ANGPT2: variants seen among roughly 807,000 people sequenced by gnomAD.
The protein encoded by ANGPT2 is angiopoietin 2.
Under a neutral mutation model 62.9 loss-of-function variants are expected in ANGPT2, and 28 were observed. The observed-to-expected ratio is 0.44, with a 90% CI of 0.33 to 0.61. ANGPT2 has a LOEUF of 0.61. ANGPT2 is among the 20% of genes least tolerant of loss of function. The pLI, the probability that ANGPT2 is intolerant of heterozygous loss-of-function variation, is 0.03. For synonymous variants in ANGPT2, 284 were observed against 207.8 expected (o/e 1.37, Z -3.15); for missense variants, 727 against 594.9 (o/e 1.22, Z -2.31).
In ANGPT2 at chr8:6,503,379, C is replaced by T. The variant is rs1053969379; in HGVS notation, c.1328-118G>A. The T allele has an allele frequency of 3.5e-4, 345 of 993,544 alleles. 2 individuals are homozygous for T. Among genetic ancestry groups the T allele is most frequent in the Non-Finnish European group, 5.5e-5 (36 of 653,080 alleles). 61.5% of individuals were successfully genotyped at this position (993,544 alleles called of 1,614,324 possible). A position where few individuals can be genotyped will look rare whatever the true frequency, so the allele number is the denominator to read the frequency against. ...TGCAGGCGTGTGGAGTAGGCACATG[C>T]AGATGATGGTGAGTATAGGATGTGC... On this transcript the variant is annotated intron_variant, in intron 8 of 8. Transcript: ENST00000629816.
At chr8:6,518,177 T>C (rs1250410772) in intron 5 of ANGPT2, among the ~76,000 whole-genome samples, 1 of 152,178 alleles carries the variant, frequency 6.6e-6, no homozygotes, top group African/African-American at 2.4e-5. Context: ...GGTTAGCGGC[T>C]GTCCCTCTGC....
At chr8:6,539,531 C>T (rs558269705) in intron 1 of ANGPT2, among the ~76,000 whole-genome samples, 8 of 152,270 alleles carry the variant, frequency 5.3e-5, no homozygotes, top group Admixed American at 2.6e-4. Context: ...CTTTTAAGCA[C>T]TTCCTGAAAT....
At chr8:6,505,379 TTCTTTC>T in intron 8 of ANGPT2, among the ~76,000 whole-genome samples, 2 of 59,866 alleles carry the variant, frequency 3.3e-5, no homozygotes, top group African/African-American at 1.1e-4. Flanking sequence ...AATATATATA[TTCTTTC>T]TATATGTATA....
intron 5 of ANGPT2, among the ~76,000 whole-genome samples, chr8:6,515,680 G>C (rs773750126): frequency 1.3e-5 from 2 of 152,168 alleles, no homozygotes; most frequent in Non-Finnish European, 2.9e-5. Context: ...AACGAAACAT[G>C]TTTTCCAGAA....
chr8:6,553,664 A>T (rs1272657928), intron 1 of ANGPT2, among the ~76,000 whole-genome samples: 3 of 145,474 alleles, frequency 2.1e-5, no homozygotes, highest in African/African-American at 8.5e-5. Context: ...ATGGTCTCAA[A>T]ATTTTTTTTT....
intron 1 of ANGPT2, among the ~76,000 whole-genome samples, chr8:6,559,671 A>T (rs190724032): frequency 1.1e-3 from 164 of 152,214 alleles, no homozygotes; most frequent in Non-Finnish European, 2.0e-3. Flanking sequence ...ATTTCCTCTT[A>T]TCAGAAAAAA....
intron 1 of ANGPT2, among the ~76,000 whole-genome samples, chr8:6,558,037 C>T (rs1209967423): frequency 6.6e-6 from 1 of 152,196 alleles, no homozygotes; most frequent in African/African-American, 2.4e-5. Flanking sequence ...TGCCCCCACA[C>T]GCACCTTTAG....
chr8:6,537,357 T>C (rs1383241993), intron 1 of ANGPT2, among the ~76,000 whole-genome samples: 2 of 152,024 alleles, frequency 1.3e-5, no homozygotes, highest in Non-Finnish European at 2.9e-5. Flanking sequence ...CCTTGGGCTG[T>C]TCTTCCTTTC....
At chr8:6,523,048 A>C (rs1041090351) in intron 3 of ANGPT2, among the ~76,000 whole-genome samples, 5 of 151,262 alleles carry the variant, frequency 3.3e-5, no homozygotes, top group Non-Finnish European at 7.4e-5. Flanking sequence ...CCCAGACTGG[A>C]GTGCAAGGGT....
intron 2 of ANGPT2, 35 bp downstream of exon 2, chr8:6,532,297 C>A (rs376215741): frequency 1.2e-6 from 2 of 1,613,322 alleles, no homozygotes; most frequent in Non-Finnish European, 1.7e-6. Context: ...TCTCTAGCTG[C>A]AGGGACACCG....
chr8:6,556,408 T>C (rs1322887774), intron 1 of ANGPT2, among the ~76,000 whole-genome samples: 1 of 152,182 alleles, frequency 6.6e-6, no homozygotes, highest in Non-Finnish European at 1.5e-5. Flanking sequence ...ATTTTCCTTT[T>C]ATAAAAGGGT....
chr8:6,537,429 A>G (rs767222839), intron 1 of ANGPT2, among the ~76,000 whole-genome samples: 4 of 152,024 alleles, frequency 2.6e-5, no homozygotes, highest in African/African-American at 7.3e-5. Context: ...TTCTAGCTGC[A>G]TGGTTTGCTG....
At chr8:6,523,359 C>A (rs901292373) in intron 3 of ANGPT2, among the ~76,000 whole-genome samples, 3 of 152,096 alleles carry the variant, frequency 2.0e-5, no homozygotes, top group African/African-American at 7.2e-5. Flanking sequence ...TCCTAAGATA[C>A]TTTATTAATG....
At chr8:6,530,226 G>A (rs1431073126) in intron 2 of ANGPT2, among the ~76,000 whole-genome samples, 1 of 152,042 alleles carries the variant, frequency 6.6e-6, no homozygotes, top group Non-Finnish European at 1.5e-5. Context: ...AAGTAATGGT[G>A]GCCAGGTACG....
In ANGPT2 at chr8:6,532,356, C is replaced by T. The variant is rs1819679870; in HGVS notation, c.420G>A (p.Arg140=). 6.2e-7 allele frequency: 1 copy of T among 1,614,134 alleles called. No individual in the cohort carries two copies. The highest frequency in any genetic ancestry group is 8.5e-7 in the Non-Finnish European group (1 of 1,180,032). ...NLLNQTAEQT[R]KLTDVEAQVL... is the part of the protein sequence containing the mutation. ...CTTGGGCTTCCACATCAGTTAACTT[C>T]CGCGTTTGCTCCGCTGTTTGGTTCA... The change falls in exon 2 of 9, where the codon CGG becomes CGA. Residue 140 remains arginine, a synonymous_variant. Coordinates refer to ENST00000629816, the MANE Select transcript of ANGPT2 (RefSeq NM_001118887.2).
chr8:6,503,291 G>C (rs764179289), intron 8 of ANGPT2, 30 bp from the exon 9 acceptor site: 3 of 1,612,986 alleles, frequency 1.9e-6, no homozygotes, highest in Non-Finnish European at 2.5e-6. Flanking sequence ...AAGGAATTAG[G>C]AACTAGGTGA....
chr8:6,524,272 C>T (rs1399738789), intron 3 of ANGPT2, among the ~76,000 whole-genome samples: 1 of 152,090 alleles, frequency 6.6e-6, no homozygotes, highest in African/African-American at 2.4e-5. Context: ...CTTTATGTTT[C>T]AGAATTATTT....
chr8:6,504,806 G>A (rs1227432186), intron 8 of ANGPT2, among the ~76,000 whole-genome samples: 1 of 152,082 alleles, frequency 6.6e-6, no homozygotes, highest in Non-Finnish European at 1.5e-5. Flanking sequence ...ACTAAACTTT[G>A]TAAGTATGTG....
chr8:6,525,869 G>C (rs1563345818), intron 3 of ANGPT2, among the ~76,000 whole-genome samples: 1 of 152,136 alleles, frequency 6.6e-6, no homozygotes, highest in Non-Finnish European at 1.5e-5. Flanking sequence ...CAATATGATT[G>C]GAAAAATATT....
Sources: allele counts gnomAD v4.1 joint callset (sites outside exome capture counted in the v4.1 genomes callset), GRCh38; gene constraint gnomAD v4.1.1; transcripts MANE v1.5; gene names NCBI Gene and HGNC (gene_info 2026-07-23, HGNC 2026-07-21).